DCC: variants seen among roughly 807,000 people sequenced by gnomAD.
DCC encodes netrin receptor DCC.
Under a neutral mutation model 172.5 loss-of-function variants are expected in DCC, and 58 were observed. The observed-to-expected ratio is 0.34, with a 90% CI of 0.27 to 0.42. The LOEUF is 0.42. Among genes scored for constraint, DCC ranks in the 10% least tolerant of loss-of-function variants. The probability of loss-of-function intolerance (pLI) is 1.00; values close to 1 mark genes in which losing one functional copy is unlikely to be tolerated. For missense variants in DCC, 1,740 were observed against 1,791.0 expected (o/e 0.97, Z 0.51); for synonymous variants, 709 against 644.5 (o/e 1.10, Z -1.52).
At chr18:52,644,874 C>A (rs1225451896) in intron 1 of DCC, among the ~76,000 whole-genome samples, 5 of 151,090 alleles carry the variant, frequency 3.3e-5, no homozygotes, top group African/African-American at 1.2e-4. Context: ...AATAGAAAAA[C>A]AATTTGCTTG....
At chr18:52,879,764 G>T (rs1177394026) in intron 2 of DCC, among the ~76,000 whole-genome samples, 1 of 152,040 alleles carries the variant, frequency 6.6e-6, no homozygotes, top group African/African-American at 2.4e-5. Flanking sequence ...TACTGTCGCA[G>T]CTCAAGAGCA....
At chr18:52,461,327 C>A (rs1314857232) in intron 1 of DCC, among the ~76,000 whole-genome samples, 1 of 152,156 alleles carries the variant, frequency 6.6e-6, no homozygotes, top group Non-Finnish European at 1.5e-5. Context: ...AATATTACTT[C>A]TTTGGGAATA....
chr18:53,080,215 G>A (rs12327491), intron 7 of DCC, among the ~76,000 whole-genome samples: 50,116 of 151,816 alleles, frequency 0.33, 10,357 homozygotes, highest in African/African-American at 0.59. Flanking sequence ...ATATGTGCAG[G>A]TGGATTAGGA....
At chr18:53,363,847 G>T (rs1281684005) in intron 15 of DCC, among the ~76,000 whole-genome samples, 1 of 152,134 alleles carries the variant, frequency 6.6e-6, no homozygotes, top group South Asian at 2.1e-4. Context: ...TGAGTCTTCA[G>T]TGTTTTGCCT....
intron 1 of DCC, among the ~76,000 whole-genome samples, chr18:52,556,622 A>C (rs1290816033): frequency 6.6e-6 from 1 of 152,014 alleles, no homozygotes; most frequent in Non-Finnish European, 1.5e-5. Flanking sequence ...CCTGGATGGA[A>C]ATTTGAGATG....
At chr18:53,416,308 G>A (rs1027237408) in intron 21 of DCC, 152 bp downstream of exon 21, 2 of 719,414 alleles carry the variant, frequency 2.8e-6, no homozygotes, top group African/African-American at 3.5e-5. Flanking sequence ...ATGAAGTTCT[G>A]CTTGGCTGAG....
chr18:52,388,240 C>A (rs1985894819), intron 1 of DCC, among the ~76,000 whole-genome samples: 1 of 151,854 alleles, frequency 6.6e-6, no homozygotes, highest in Admixed American at 6.6e-5. Context: ...GAGAAGGCAA[C>A]TTTTCATGTG....
intron 5 of DCC, among the ~76,000 whole-genome samples, chr18:53,008,971 T>C (rs933681533): frequency 6.6e-6 from 1 of 151,968 alleles, no homozygotes; most frequent in South Asian, 2.1e-4. Context: ...AGGAAACATA[T>C]CTTTCAACAT....
intron 17 of DCC, among the ~76,000 whole-genome samples, chr18:53,396,838 T>G (rs1309640093): frequency 6.6e-6 from 1 of 152,162 alleles, no homozygotes; most frequent in African/African-American, 2.4e-5. Flanking sequence ...TATAAATGAA[T>G]TAAGTTCAAT....
At position 53,022,540 on chromosome 18, in the gene DCC, TGTGC is replaced by T. The variant is rs201459551; in HGVS notation, c.986-40761_986-40758del. Among the ~76,000 whole-genome samples, 733 of 79,460 alleles carry T rather than the reference TGTGC, an allele frequency of 9.2e-3. 2 individuals are homozygous for T. Among genetic ancestry groups the T allele is most frequent in the Admixed American group, 0.012 (102 of 8,220 alleles). 52.1% of individuals were successfully genotyped at this position (79,460 alleles called of 152,430 possible). ...ATGTTCAGTATTTTTTATATATATA[TGTGC>T]GTGTGTGTGTGTGTGTGTGTGTGTG... On this transcript the variant is annotated intron_variant, in intron 5 of 28. Transcript: ENST00000442544.
intron 5 of DCC, among the ~76,000 whole-genome samples, chr18:52,961,233 T>C (rs2040837780): frequency 6.6e-6 from 1 of 152,126 alleles, no homozygotes; most frequent in East Asian, 1.9e-4. Flanking sequence ...ATGACACATG[T>C]ATACATATGT....
chr18:52,767,789 A>T (rs1390451238), intron 2 of DCC, among the ~76,000 whole-genome samples: 1 of 152,296 alleles, frequency 6.6e-6, no homozygotes, highest in African/African-American at 2.4e-5. Flanking sequence ...AGCATTATTT[A>T]TGTTGCCTGT....
At chr18:52,675,854 T>G (rs1341515157) in intron 1 of DCC, among the ~76,000 whole-genome samples, 3 of 152,248 alleles carry the variant, frequency 2.0e-5, no homozygotes, top group African/African-American at 7.2e-5. Flanking sequence ...ATTTTACTTT[T>G]TAACATATTG....
At chr18:53,324,964 A>C (rs925787150) in intron 14 of DCC, among the ~76,000 whole-genome samples, 1 of 152,034 alleles carries the variant, frequency 6.6e-6, no homozygotes, top group East Asian at 1.9e-4. Context: ...AGGCCAAGGC[A>C]GGTGGATCAC....
intron 1 of DCC, among the ~76,000 whole-genome samples, chr18:52,669,839 G>A (rs138876604): frequency 0.013 from 2,021 of 151,750 alleles, 29 homozygotes; most frequent in Middle Eastern, 0.041. Context: ...AAGGAGAAGC[G>A]TTTGAAAAAA....
At chr18:52,423,059 C>A (rs1287247607) in intron 1 of DCC, among the ~76,000 whole-genome samples, 2 of 152,136 alleles carry the variant, frequency 1.3e-5, no homozygotes, top group Non-Finnish European at 2.9e-5. Flanking sequence ...CTTTAACCTC[C>A]TTTCCTGGGA....
chr18:52,660,119 A>G (rs1339147479), intron 1 of DCC, among the ~76,000 whole-genome samples: 1 of 152,166 alleles, frequency 6.6e-6, no homozygotes, highest in Non-Finnish European at 1.5e-5. Flanking sequence ...TCTTTCTACT[A>G]CATCATGCCA....
chr18:52,899,254 A>C (rs940272708), intron 2 of DCC, among the ~76,000 whole-genome samples: 1 of 151,360 alleles, frequency 6.6e-6, no homozygotes, highest in African/African-American at 2.4e-5. Context: ...GGCTCAAGTG[A>C]TCCTGCCACC....
intron 21 of DCC, among the ~76,000 whole-genome samples, chr18:53,416,811 C>T (rs2145068249): frequency 1.3e-5 from 2 of 152,264 alleles, no homozygotes; most frequent in Middle Eastern, 3.4e-3. Flanking sequence ...TATCCATCAA[C>T]TTATAAGTGG....
Sources: gnomAD v4.1 joint callset for allele counts (sites outside exome capture counted in the v4.1 genomes callset) on GRCh38, gnomAD v4.1.1 for gene constraint, MANE v1.5 for transcripts, NCBI Gene and HGNC (gene_info 2026-07-23, HGNC 2026-07-21) for gene names.